Variants in CTNND2 observed in about 807,000 individuals in gnomAD.
CTNND2 encodes the protein catenin delta 2, also known as catenin delta-2.
A neutral mutation model predicts 144.4 loss-of-function variants in CTNND2; 22 were observed. The ratio of observed to expected loss-of-function variants is 0.15; its 90% CI spans 0.11 to 0.22. The LOEUF (loss-of-function observed/expected upper bound fraction) is 0.22. Ranked by LOEUF, CTNND2 falls within the 10% of genes least tolerant of loss-of-function variation. CTNND2 has a pLI of 1.00. For missense variants in CTNND2, 1,353 were observed against 1,618.8 expected, an observed-to-expected ratio of 0.84 and a Z score of 2.82; for synonymous variants, 751 against 695.6, an observed-to-expected ratio of 1.08 and a Z score of -1.25.
In CTNND2 at chr5:11,605,145, T is replaced by C. The variant is rs146694753; in HGVS notation, c.175-40089A>G. 4.6e-5 allele frequency among the ~76,000 whole-genome samples: 7 copies of C among 152,262 alleles called. No individual in the cohort carries two copies. The East Asian group carries it at 1.4e-3, about 29-fold the overall frequency. On this transcript the variant is annotated intron_variant, in intron 2 of 21. Coordinates refer to ENST00000304623, the MANE Select transcript of CTNND2 (RefSeq NM_001332.4). ...AGATGAAACTACAAGTTCTTTGGGG[T>C]CAAGGGCTCAGTGAGATGCACATTC... is the stretch of plus-strand genomic sequence containing the variant.
Position 11,000,108 on chromosome 5 carries a change from GA to G in CTNND2, c.3085-7432del, listed in dbSNP as rs373481861. ...CTGAACATCCTGTAAACATCGCCAA[GA>G]AGAATGTATTAGTAGAGAGACTTCT... is the stretch of plus-strand genomic sequence containing the variant. On this transcript the variant is annotated intron_variant, in intron 18 of 21. Transcript: ENST00000304623. Among the ~76,000 whole-genome samples, 343 of 152,322 alleles carry G rather than the reference GA, an allele frequency of 2.3e-3. 1 individual carries two copies. Among genetic ancestry groups the G allele is most frequent in the African/African-American group, 8.0e-3 (331 of 41,572 alleles).
intron 9 of CTNND2, among the ~76,000 whole-genome samples, chr5:11,242,759 C>G (rs1018855395): frequency 2.0e-5 from 3 of 152,170 alleles, no homozygotes; most frequent in Admixed American, 2.0e-4. Context: ...AGAATGAGCA[C>G]AGGATTTGGC....
intron 20 of CTNND2, among the ~76,000 whole-genome samples, chr5:10,987,547 CGTAAGAG>C (rs1283710213): frequency 6.6e-6 from 1 of 152,138 alleles, no homozygotes; most frequent in Non-Finnish European, 1.5e-5. Flanking sequence ...GGATATGTCA[CGTAAGAG>C]GTTGTATCAT....
chr5:11,280,715 G>C (rs1475152872), intron 9 of CTNND2, among the ~76,000 whole-genome samples: 1 of 152,206 alleles, frequency 6.6e-6, no homozygotes, highest in Non-Finnish European at 1.5e-5. Flanking sequence ...TTACAGGCAT[G>C]TTTCTCTCTT....
At chr5:11,174,057 C>T (rs1760217222) in intron 11 of CTNND2, among the ~76,000 whole-genome samples, 1 of 152,130 alleles carries the variant, frequency 6.6e-6, no homozygotes, top group African/African-American at 2.4e-5. Context: ...GGCTGGCTGG[C>T]AGCTCGGCTG....
At chr5:11,842,270 A>C (rs2126985275) in intron 1 of CTNND2, among the ~76,000 whole-genome samples, 1 of 152,318 alleles carries the variant, frequency 6.6e-6, no homozygotes, top group Middle Eastern at 3.4e-3. Flanking sequence ...TTAAAGAACA[A>C]AGATGCACAC....
intron 7 of CTNND2, among the ~76,000 whole-genome samples, chr5:11,379,656 T>C (rs1177812364): frequency 6.6e-6 from 1 of 152,164 alleles, no homozygotes; most frequent in African/African-American, 2.4e-5. Flanking sequence ...TTATAAGTGA[T>C]AATTTTTGTA....
Position 11,240,386 on chromosome 5 carries a change from T to TCAAA in CTNND2, c.1629-3564_1629-3563insTTTG, listed in dbSNP as rs147304815. On this transcript the variant is annotated intron_variant, in intron 9 of 21. Coordinates refer to ENST00000304623, the MANE Select transcript of CTNND2 (RefSeq NM_001332.4). Reference sequence around the variant, plus strand: ...ACACACACCCAACACACACATACACTCACACACCCAACACACACACCCACA... The same window carrying TCAAA: ...ACACACACCCAACACACACATACACTCAAACACACACCCAACACACACACCCACA... Among the ~76,000 whole-genome samples, 307 of 93,744 alleles carry TCAAA rather than the reference T, an allele frequency of 3.3e-3. 26 individuals carry two copies. The highest frequency in any genetic ancestry group is 0.016 in the South Asian group (40 of 2,480). The allele number at this position is 93,744 out of a possible 152,430, so 61.5% of individuals were successfully genotyped here. A position where few individuals can be genotyped will look rare whatever the true frequency, so the allele number is the denominator to read the frequency against.
intron 16 of CTNND2, among the ~76,000 whole-genome samples, chr5:11,064,482 AAG>A (rs1747337012): frequency 6.6e-6 from 1 of 151,952 alleles, no homozygotes; most frequent in South Asian, 2.1e-4. Context: ...GAAGGATGAG[AAG>A]AGAGGAGTCT....
intron 1 of CTNND2, among the ~76,000 whole-genome samples, chr5:11,785,015 T>C (rs894193634): frequency 1.3e-5 from 2 of 152,250 alleles, no homozygotes; most frequent in African/African-American, 4.8e-5. Context: ...GCACCAGTTT[T>C]CTTCTATTGT....
At chr5:11,060,349 G>A (rs1860240) in intron 16 of CTNND2, among the ~76,000 whole-genome samples, 2 of 152,110 alleles carry the variant, frequency 1.3e-5, no homozygotes, top group Non-Finnish European at 2.9e-5. Context: ...GACTAGGTAC[G>A]TGGTCCTGTG....
At chr5:11,790,947 G>A (rs550555688) in intron 1 of CTNND2, among the ~76,000 whole-genome samples, 1 of 152,226 alleles carries the variant, frequency 6.6e-6, no homozygotes, top group African/African-American at 2.4e-5. Context: ...AGACATAACT[G>A]GTTCAAATGA....
chr5:11,463,665 C>T (rs1581250840), intron 3 of CTNND2, among the ~76,000 whole-genome samples: 1 of 151,104 alleles, frequency 6.6e-6, no homozygotes, highest in East Asian at 1.9e-4. Context: ...CCTGAGAGAG[C>T]ACACATGGGG....
chr5:11,190,928 C>A (rs1325217842), intron 11 of CTNND2, among the ~76,000 whole-genome samples: 1 of 152,174 alleles, frequency 6.6e-6, no homozygotes, highest in Non-Finnish European at 1.5e-5. Flanking sequence ...TCAATTTCAG[C>A]AAACACTGCT....
chr5:11,188,043 G>A (rs959150363), intron 11 of CTNND2, among the ~76,000 whole-genome samples: 1 of 152,152 alleles, frequency 6.6e-6, no homozygotes. Context: ...AGAAAATGTG[G>A]TGATTCCATG....
intron 3 of CTNND2, among the ~76,000 whole-genome samples, chr5:11,507,145 G>C (rs557833330): frequency 1.3e-5 from 2 of 152,204 alleles, no homozygotes; most frequent in Non-Finnish European, 2.9e-5. Flanking sequence ...CCTGTAGAGT[G>C]CTTGCCCATA....
intron 1 of CTNND2, among the ~76,000 whole-genome samples, chr5:11,901,059 C>T (rs61761566): frequency 0.015 from 2,251 of 152,272 alleles, 61 homozygotes; most frequent in African/African-American, 0.052. Context: ...GTAACAGTTT[C>T]TATTTTAATT....
intron 3 of CTNND2, among the ~76,000 whole-genome samples, chr5:11,481,633 G>A (rs1581296142): frequency 6.6e-6 from 1 of 152,140 alleles, no homozygotes; most frequent in East Asian, 1.9e-4. Flanking sequence ...CGGAGAGAGA[G>A]AGAAAGAGAA....
chr5:11,547,586 T>C (rs552233995), intron 3 of CTNND2, among the ~76,000 whole-genome samples: 2 of 152,058 alleles, frequency 1.3e-5, no homozygotes, highest in South Asian at 4.2e-4. Flanking sequence ...AAACCACCAA[T>C]AGAAAAATAT....
Sources: gnomAD v4.1 joint callset for allele counts (sites outside exome capture counted in the v4.1 genomes callset) on GRCh38, gnomAD v4.1.1 for gene constraint, MANE v1.5 for transcripts, NCBI Gene and HGNC (gene_info 2026-07-23, HGNC 2026-07-21) for gene names.